The following NET1 variants were observed in gnomAD, a reference collection of about 807,000 sequenced individuals.
The protein encoded by NET1 is neuroepithelial cell transforming 1, also known as neuroepithelial cell-transforming gene 1 protein.
A neutral mutation model predicts 61.1 loss-of-function variants in NET1; 42 were observed. That is an observed-to-expected ratio of 0.69 (90% CI 0.54 to 0.89). The LOEUF (loss-of-function observed/expected upper bound fraction) is 0.89, where lower values mean the gene tolerates loss of function less well. Ranked by LOEUF, NET1 falls within the 40% of genes least tolerant of loss-of-function variation. The pLI, the probability that NET1 is intolerant of heterozygous loss-of-function variation, is 0.00. For missense variants in NET1, 654 were observed against 747.3 expected (o/e 0.88, Z 1.46); for synonymous variants, 254 against 281.8 (o/e 0.90, Z 0.99).
At position 5,455,708 on chromosome 10, in the gene NET1, T is replaced by C. The variant is rs1007509703; in HGVS notation, c.1198-379T>C. ...AGGTATAAATTTGTGTGGGACAAAA[T>C]AGAACCATTAACATTTTACCAGCTT... On this transcript the variant is annotated intron_variant, in intron 10 of 11. Coordinates refer to ENST00000355029, the MANE Select transcript of NET1 (RefSeq NM_001047160.3). This position sits in a 1 kb window ranked among gnomAD's most constrained non-coding sequence, Gnocchi z 6.5. Among the ~76,000 whole-genome samples the C allele has an allele frequency of 6.6e-6, 1 of 152,184 alleles. No individual in the cohort carries two copies. The highest frequency in any genetic ancestry group is 1.5e-5 in the Non-Finnish European group (1 of 68,020).
intron 3 of NET1, among the ~76,000 whole-genome samples, chr10:5,442,020 T>G (rs1425442484): frequency 6.6e-6 from 1 of 152,204 alleles, no homozygotes; most frequent in Non-Finnish European, 1.5e-5. Flanking sequence ...TCTTAAAATA[T>G]TTCTTGTGAA....
At chr10:5,429,701 A>G (rs1832318138) in intron 3 of NET1, among the ~76,000 whole-genome samples, 1 of 152,212 alleles carries the variant, frequency 6.6e-6, no homozygotes, top group African/African-American at 2.4e-5. Context: ...CATGGGCTTC[A>G]AGGCTTCAAG....
rs1334067565 is a variant in NET1 at position 5,446,559 on chromosome 10, G to C, written c.256-5271G>C. 20 of 1,161,360 alleles carry C rather than the reference G, an allele frequency of 1.7e-5. No homozygotes were observed. Among genetic ancestry groups the C allele is most frequent in the Non-Finnish European group, 2.1e-5 (20 of 943,420 alleles). 71.9% of individuals were successfully genotyped at this position (1,161,360 alleles called of 1,614,324 possible). On this transcript the variant is annotated intron_variant, in intron 3 of 11. Transcript: ENST00000355029. This position sits in a 1 kb window ranked among gnomAD's most constrained non-coding sequence, Gnocchi z 5.0. ...CCCCGCCCCCAGGGCCCGGTTGGCTGTGGCCCCGCCCCCGAGCCCTGGGGT... is the reference window on the plus strand; with the variant it reads ...CCCCGCCCCCAGGGCCCGGTTGGCTCTGGCCCCGCCCCCGAGCCCTGGGGT...
chr10:5,413,036 TGGG>T (rs1187075383), intron 1 of NET1, among the ~76,000 whole-genome samples: 1 of 39,962 alleles, frequency 2.5e-5, no homozygotes, highest in Non-Finnish European at 4.3e-5. Context: ...ACCGCGGGGT[TGGG>T]GGGGGGGACG....
At chr10:5,430,469 G>A (rs1358781410) in intron 3 of NET1, among the ~76,000 whole-genome samples, 1 of 151,520 alleles carries the variant, frequency 6.6e-6, no homozygotes, top group East Asian at 1.9e-4. Context: ...CCGCCTCCTG[G>A]GTTCAAGAGA....
At chr10:5,429,026 G>C (rs1300429741) in intron 2 of NET1, 144 bp from the exon 3 acceptor site, 4 of 523,582 alleles carry the variant, frequency 7.6e-6, no homozygotes, top group Non-Finnish European at 9.9e-6. Flanking sequence ...GAGCCACCGC[G>C]CCTGGCCTCA....
Position 5,435,951 on chromosome 10 carries a change from G to T in NET1, c.255+6722G>T, listed in dbSNP as rs964621167. On this transcript the variant is annotated intron_variant, in intron 3 of 11. Transcript: ENST00000355029. The surrounding 1 kb of genome is among the most constrained non-coding windows in gnomAD (Gnocchi z 5.0). ...TCTTTCCTTTTTATTTTGATAGGAAGAGTCAAAAGTGACTGTTGACTTTGT... is the reference window on the plus strand; with the variant it reads ...TCTTTCCTTTTTATTTTGATAGGAATAGTCAAAAGTGACTGTTGACTTTGT... Among the ~76,000 whole-genome samples the T allele has an allele frequency of 6.6e-6, 1 of 151,854 alleles. No homozygotes were observed. The highest frequency in any genetic ancestry group is 1.5e-5 in the Non-Finnish European group (1 of 67,946).
At position 5,423,871 on chromosome 10, in the gene NET1, A is replaced by G. The variant is rs745432050; in HGVS notation, c.129-2784A>G. On this transcript the variant is annotated intron_variant, in intron 1 of 11. Coordinates refer to ENST00000355029, the MANE Select transcript of NET1 (RefSeq NM_001047160.3). The surrounding 1 kb of genome is among the most constrained non-coding windows in gnomAD (Gnocchi z 4.4). ...GCACTGTCTCACATCCTTTGTGGGC[A>G]CGGTTTGTTTTTTGGGTTCCTTTTT... Among the ~76,000 whole-genome samples, 1 of 152,044 alleles carries G rather than the reference A, an allele frequency of 6.6e-6. No homozygotes were observed. Among genetic ancestry groups the G allele is most frequent in the Non-Finnish European group, 1.5e-5 (1 of 68,004 alleles).
At position 5,426,764 on chromosome 10, in the gene NET1, A is replaced by T. The variant is rs754465501; in HGVS notation, c.195+43A>T. On this transcript the variant is annotated intron_variant, in intron 2 of 11. Coordinates refer to ENST00000355029, the MANE Select transcript of NET1 (RefSeq NM_001047160.3). This position sits in a 1 kb window ranked among gnomAD's most constrained non-coding sequence, Gnocchi z 4.6. The stretch of plus-strand genomic sequence containing the variant: ...TTTTTATTTCGAGACATTAGATAGA[A>T]TTAATTCCCTGGTTTCTTTCAGTCT... The T allele has an allele frequency of 1.5e-6, 2 of 1,367,998 alleles. No homozygotes were observed. The highest frequency in any genetic ancestry group is 2.6e-5 in the South Asian group (2 of 76,132). 84.7% of individuals were successfully genotyped at this position (1,367,998 alleles called of 1,614,324 possible).
intron 3 of NET1, among the ~76,000 whole-genome samples, chr10:5,429,916 A>G (rs557065352): frequency 3.3e-5 from 5 of 152,290 alleles, no homozygotes; most frequent in Admixed American, 1.3e-4. Context: ...TTTAAATGTG[A>G]TTTTTAAAAA....
Position 5,451,956 on chromosome 10 carries a change from G to A in NET1, c.363+19G>A, listed in dbSNP as rs769077295. 1.9e-6 allele frequency: 3 copies of A among 1,576,936 alleles called. No individual in the cohort carries two copies. The highest frequency in any genetic ancestry group is 3.3e-5 in the Admixed American group (2 of 59,808). On this transcript the variant is annotated intron_variant, in intron 4 of 11. Coordinates refer to ENST00000355029, the MANE Select transcript of NET1 (RefSeq NM_001047160.3). The surrounding 1 kb of genome is among the most constrained non-coding windows in gnomAD (Gnocchi z 6.1). ...AATACAGGTAAAAAGAGAGGAGGAAGAGTAATGTAGTCAGCGGACTTTATA... is the reference window on the plus strand; with the variant it reads ...AATACAGGTAAAAAGAGAGGAGGAAAAGTAATGTAGTCAGCGGACTTTATA...
At chr10:5,425,479 A>G (rs1014067836) in intron 1 of NET1, among the ~76,000 whole-genome samples, 7 of 152,202 alleles carry the variant, frequency 4.6e-5, no homozygotes, top group Non-Finnish European at 8.8e-5. Flanking sequence ...TACCATAACA[A>G]TTGACCTAAA....
rs1044073346 is a variant in NET1 at position 5,449,660 on chromosome 10, T to C, written c.256-2170T>C. Among the ~76,000 whole-genome samples the C allele has an allele frequency of 6.6e-6, 1 of 152,228 alleles. No homozygotes were observed. Among genetic ancestry groups the C allele is most frequent in the African/African-American group, 2.4e-5 (1 of 41,462 alleles). ...TTTAAAATATCACATAATTTTGAGT[T>C]ACCAGGAAGTTAGTAGTTGTACAGT... On this transcript the variant is annotated intron_variant, in intron 3 of 11. Transcript: ENST00000355029. This position sits in a 1 kb window ranked among gnomAD's most constrained non-coding sequence, Gnocchi z 4.4.
Position 5,457,364 on chromosome 10 carries a change from T to G in NET1, c.*370T>G, listed in dbSNP as rs1219849478. Reference sequence around the variant, plus strand: ...CTTAGAATTTTGCAAATGCTGGAATTCTGCCAGTGTTTCTTTGCTAAGCCT... The same window carrying G: ...CTTAGAATTTTGCAAATGCTGGAATGCTGCCAGTGTTTCTTTGCTAAGCCT... On this transcript the variant is annotated 3_prime_UTR_variant, in exon 12 of 12. Coordinates refer to ENST00000355029, the MANE Select transcript of NET1 (RefSeq NM_001047160.3). This position sits in a 1 kb window ranked among gnomAD's most constrained non-coding sequence, Gnocchi z 5.4. 6.4e-6 allele frequency: 1 copy of G among 156,838 alleles called. No homozygotes were observed. Among genetic ancestry groups the G allele is most frequent in the Non-Finnish European group, 1.4e-5 (1 of 71,074 alleles). The allele number at this position is 156,838 out of a possible 1,614,324, so 9.7% of individuals were successfully genotyped here.
chr10:5,436,259 T>A (rs1194438440), intron 3 of NET1, among the ~76,000 whole-genome samples: 10 of 117,314 alleles, frequency 8.5e-5, no homozygotes, highest in East Asian at 2.3e-4. Flanking sequence ...TTTTTTTTTT[T>A]TTTTTTTTTT....
rs752545541 is a variant in NET1, at chr10:5,419,882, GAA to G, written c.129-6772_129-6771del. Reference sequence around the variant, plus strand: ...TTCCATTGTTTCTGTTAAGAAGTCAGAATCTTTTTGGGGTTCCTTGTAAATAA... The same window carrying G: ...TTCCATTGTTTCTGTTAAGAAGTCAGTCTTTTTGGGGTTCCTTGTAAATAA... On this transcript the variant is annotated intron_variant, in intron 1 of 11. Transcript: ENST00000355029. 1.1e-3 allele frequency among the ~76,000 whole-genome samples: 90 copies of G among 84,036 alleles called. 1 individual carries two copies. The highest frequency in any genetic ancestry group is 9.2e-3 in the Admixed American group (89 of 9,676). 55.1% of individuals were successfully genotyped at this position (84,036 alleles called of 152,430 possible).
At position 5,437,847 on chromosome 10, in the gene NET1, T is replaced by C. The variant is rs1832463138; in HGVS notation, c.255+8618T>C. ...GTAGAACATTCCAGGATAGACGGTA[T>C]GTCAGGCTGCAAAACAAGTCTTAAT... On this transcript the variant is annotated intron_variant, in intron 3 of 11. Transcript: ENST00000355029. The surrounding 1 kb of genome is among the most constrained non-coding windows in gnomAD (Gnocchi z 4.3). Among the ~76,000 whole-genome samples the C allele has an allele frequency of 6.6e-6, 1 of 152,170 alleles. No homozygotes were observed. The highest frequency in any genetic ancestry group is 6.5e-5 in the Admixed American group (1 of 15,282).
chr10:5,455,146 G>A lies in NET1; in HGVS notation c.1197+28G>A. 1 of 1,608,336 alleles carries A rather than the reference G, an allele frequency of 6.2e-7. No individual in the cohort carries two copies. Among genetic ancestry groups the A allele is most frequent in the Non-Finnish European group, 8.5e-7 (1 of 1,176,374 alleles). On this transcript the variant is annotated intron_variant, in intron 10 of 11. Transcript: ENST00000355029. This position sits in a 1 kb window ranked among gnomAD's most constrained non-coding sequence, Gnocchi z 6.5. ...AGGTGACTTTTGCTGCCGTGGCAGA[G>A]CAGCCTTCCCTCCTGCCTCTTTAAC...
Position 5,412,726 on chromosome 10 carries a change from C to A in NET1, c.34C>A (p.Arg12=). ...CGAGCTGGCGGCTCAGAAGCAGCCT[C>A]GACCGCGGAGGCGAAGCCGCCGGGC... ...EPELAAQKQP[R]PRRRSRRASG... Residue 12 remains arginine (R), a synonymous_variant, in exon 1 of 12, where the codon CGA becomes AGA. Transcript: ENST00000355029. This position sits in a 1 kb window ranked among gnomAD's most constrained non-coding sequence, Gnocchi z 6.5. 6.8e-7 allele frequency: 1 copy of A among 1,479,672 alleles called. No individual in the cohort carries two copies. Among genetic ancestry groups the A allele is most frequent in the Non-Finnish European group, 8.9e-7 (1 of 1,123,444 alleles). The allele number at this position is 1,479,672 out of a possible 1,614,324, so 91.7% of individuals were successfully genotyped here.
Sources: gnomAD v4.1 joint callset for allele counts (sites outside exome capture counted in the v4.1 genomes callset) on GRCh38, gnomAD v4.1.1 for gene constraint, Gnocchi (gnomAD v3.1) non-coding constraint, MANE v1.5 for transcripts, NCBI Gene and HGNC (gene_info 2026-07-23, HGNC 2026-07-21) for gene names.